Variants in ZGPAT observed in about 807,000 individuals in gnomAD.
ZGPAT encodes the protein zinc finger CCCH-type with G patch domain-containing protein.
A neutral mutation model predicts 47.9 loss-of-function variants in ZGPAT; 39 were observed. The ratio of observed to expected loss-of-function variants is 0.81; its 90% CI spans 0.63 to 1.06. The LOEUF (loss-of-function observed/expected upper bound fraction) is 1.06. ZGPAT is among the 50% of genes least tolerant of loss of function. The pLI is 0.00. For missense variants in ZGPAT, 717 were observed against 681.4 expected (o/e 1.05, Z -0.58); for synonymous variants, 348 against 292.9 (o/e 1.19, Z -1.92).
Position 63,722,050 on chromosome 20 carries a change from G to A in ZGPAT, c.585-11169G>A, listed in dbSNP as rs546335257. Among the ~76,000 whole-genome samples, 110 of 150,802 alleles carry A rather than the reference G, an allele frequency of 7.3e-4. 1 individual carries two copies. Among genetic ancestry groups the A allele is most frequent in the Admixed American group, 2.2e-3 (33 of 15,160 alleles). ...AAAAAAAAAATGCCATCAACAGCAC[G>A]ACCCTGGAGGCTGCCCCAGCCCTGA... On this transcript the variant is annotated intron_variant, in intron 2 of 6. Transcript: ENST00000355969.
chr20:63,709,232 G>A, intron 2 of ZGPAT, 68 bp downstream of exon 2: 1 of 1,555,720 alleles, frequency 6.4e-7, no homozygotes, highest in East Asian at 2.2e-5. Context: ...GTCGGGTCAG[G>A]ATCGGCCCTC....
In ZGPAT at chr20:63,733,756, G is replaced by A. The variant is rs560389170; in HGVS notation, c.871+17G>A. On this transcript the variant is annotated intron_variant, in intron 4 of 6. Transcript: ENST00000355969. Reference sequence around the variant, plus strand: ...ATGCCAGAGGTATGGCAGCAGCTGCGGAGCCCAGGAGCCAGGAAGGTGGGG... The same window carrying A: ...ATGCCAGAGGTATGGCAGCAGCTGCAGAGCCCAGGAGCCAGGAAGGTGGGG... 8.8e-6 allele frequency: 14 copies of A among 1,592,950 alleles called. No homozygotes were observed. Among genetic ancestry groups the A allele is most frequent in the African/African-American group, 5.3e-5 (4 of 74,774 alleles).
chr20:63,712,810 C>T (rs1023385534), intron 2 of ZGPAT, among the ~76,000 whole-genome samples: 6 of 152,034 alleles, frequency 3.9e-5, no homozygotes, highest in South Asian at 4.1e-4. Flanking sequence ...GCAGGAGAAT[C>T]GCTTGAACCT....
At chr20:63,710,936 G>A (rs1032529256) in intron 2 of ZGPAT, among the ~76,000 whole-genome samples, 2 of 151,842 alleles carry the variant, frequency 1.3e-5, no homozygotes, top group Non-Finnish European at 1.5e-5. Flanking sequence ...TATTTACCAA[G>A]CCTTCTAGTA....
chr20:63,722,779 C>T (rs1279540603), intron 2 of ZGPAT, among the ~76,000 whole-genome samples: 3 of 151,944 alleles, frequency 2.0e-5, no homozygotes, highest in Non-Finnish European at 4.4e-5. Flanking sequence ...ACTACAGGCA[C>T]CCCCACCACA....
In ZGPAT at chr20:63,735,468, C is replaced by T. The variant is rs757648210; in HGVS notation, c.1301C>T (p.Ala434Val). The T allele has an allele frequency of 2.6e-6, 4 of 1,560,374 alleles. No homozygotes were observed. Among genetic ancestry groups the T allele is most frequent in the African/African-American group, 1.4e-5 (1 of 72,698 alleles). ...CATGCCAGCAAGAGTGCCAAGCGGG[C>T]CCTGAGCCTGCGGCTCTTCCAGACT... is the stretch of plus-strand genomic sequence containing the variant. ...MYHASKSAKR[A>V]LSLRLFQTEE... Residue 434 changes from alanine (A) to valine (V), a missense_variant, in exon 6 of 7, where the codon GCC becomes GTC. Ala to Val is a moderately conservative substitution (Grantham distance 64). Transcript: ENST00000355969.
At chr20:63,712,389 A>G (rs539742582) in intron 2 of ZGPAT, among the ~76,000 whole-genome samples, 3 of 152,338 alleles carry the variant, frequency 2.0e-5, no homozygotes, top group Admixed American at 6.5e-5. Context: ...TGTTCTGATT[A>G]TTATAGCTTT....
intron 2 of ZGPAT, among the ~76,000 whole-genome samples, chr20:63,716,519 T>C (rs2091730351): frequency 7.0e-6 from 1 of 143,674 alleles, no homozygotes; most frequent in Non-Finnish European, 1.5e-5. Context: ...TTTCTTCCTC[T>C]TTTTTTTTTT....
intron 2 of ZGPAT, among the ~76,000 whole-genome samples, chr20:63,726,896 A>G (rs1186583977): frequency 6.6e-6 from 1 of 152,158 alleles, no homozygotes; most frequent in Non-Finnish European, 1.5e-5. Flanking sequence ...GATTTCACAT[A>G]TACTCCAGAC....
At chr20:63,716,767 C>T (rs1327384090) in intron 2 of ZGPAT, among the ~76,000 whole-genome samples, 4 of 152,142 alleles carry the variant, frequency 2.6e-5, no homozygotes, top group South Asian at 2.1e-4. Context: ...TTGCAACCTC[C>T]GACTCCCAGA....
Position 63,733,202 on chromosome 20 carries a change from T to TA in ZGPAT, c.585-16dup. ...TGGCCCATGTCTGAGCCCTGCCCCT[T>TA]ACGGCTCTGTCTGCAGGTTCTCCCA... is the stretch of plus-strand genomic sequence containing the variant. On this transcript the variant is annotated splice_polypyrimidine_tract_variant and intron_variant, in intron 2 of 6. Transcript: ENST00000355969. 6.2e-7 allele frequency: 1 copy of TA among 1,611,532 alleles called. No individual in the cohort carries two copies. Among genetic ancestry groups the TA allele is most frequent in the African/African-American group, 1.3e-5 (1 of 74,996 alleles).
chr20:63,721,229 G>A (rs1431496825), intron 2 of ZGPAT, among the ~76,000 whole-genome samples: 1 of 152,028 alleles, frequency 6.6e-6, no homozygotes, highest in Non-Finnish European at 1.5e-5. Context: ...GCACCTGCCT[G>A]TAGTCCCAGC....
chr20:63,724,523 AAAAG>A (rs2091823536), intron 2 of ZGPAT, among the ~76,000 whole-genome samples: 1 of 152,276 alleles, frequency 6.6e-6, no homozygotes, highest in South Asian at 2.1e-4. Context: ...CTCTATTTAA[AAAAG>A]AAAGAAATTC....
chr20:63,735,109 G>A, intron 5 of ZGPAT, 50 bp from the exon 6 acceptor site: 2 of 1,475,068 alleles, frequency 1.4e-6, no homozygotes, highest in Non-Finnish European at 1.8e-6. Flanking sequence ...GTGCTCCTCA[G>A]ATTCCCGGGG....
intron 2 of ZGPAT, among the ~76,000 whole-genome samples, chr20:63,726,261 C>T (rs556908492): frequency 6.4e-4 from 97 of 150,416 alleles, no homozygotes; most frequent in African/African-American, 2.3e-3. Context: ...TGCAATGGCG[C>T]GATCTTGGCT....
At chr20:63,726,986 C>G (rs923510249) in intron 2 of ZGPAT, among the ~76,000 whole-genome samples, 2 of 152,098 alleles carry the variant, frequency 1.3e-5, no homozygotes, top group African/African-American at 4.8e-5. Context: ...AATCCATAAA[C>G]CTACACAGAC....
intron 1 of ZGPAT, 69 bp from the exon 2 acceptor site, chr20:63,708,484 C>CA: frequency 8.5e-7 from 1 of 1,176,292 alleles, no homozygotes; most frequent in South Asian, 1.6e-5. Flanking sequence ...CGTGCCCGTG[C>CA]CCGTGCCCGC....
Position 63,714,966 on chromosome 20 carries a change from T to A in ZGPAT, c.584+5802T>A, listed in dbSNP as rs535261819. Among the ~76,000 whole-genome samples, 8 of 152,190 alleles carry A rather than the reference T, an allele frequency of 5.3e-5. No individual in the cohort carries two copies. In the East Asian group the frequency reaches 1.5e-3, roughly 29 times the overall value. ...CAGCTGTGTGGGATTTTTCAAATGC[T>A]TTTTTCCTTTAGATGATCATGTGTG... On this transcript the variant is annotated intron_variant, in intron 2 of 6. Coordinates refer to ENST00000355969, the MANE Select transcript of ZGPAT (RefSeq NM_181485.3).
Position 63,708,650 on chromosome 20 carries a change from T to C in ZGPAT, c.70T>C (p.Leu24=). Reference sequence around the variant, plus strand: ...GCAGCTGCAGCAGGTGGAGCTGGCCTTGGGCGCCGGCCTGGATTCGTCTGA... The same window carrying C: ...GCAGCTGCAGCAGGTGGAGCTGGCCCTGGGCGCCGGCCTGGATTCGTCTGA... ...RAQLQQVELA[L]GAGLDSSEQA... Residue 24 remains leucine (L), a synonymous_variant, in exon 2 of 7, where the codon TTG becomes CTG. Transcript: ENST00000355969. 6.2e-7 allele frequency: 1 copy of C among 1,612,276 alleles called. No homozygotes were observed. Among genetic ancestry groups the C allele is most frequent in the Non-Finnish European group, 8.5e-7 (1 of 1,179,660 alleles).
Sources: allele counts gnomAD v4.1 joint callset (sites outside exome capture counted in the v4.1 genomes callset), GRCh38; gene constraint gnomAD v4.1.1; transcripts MANE v1.5; gene names NCBI Gene and HGNC (gene_info 2026-07-23, HGNC 2026-07-21).